The following TBC1D5 variants were observed in gnomAD, a reference collection of about 807,000 sequenced individuals.
TBC1D5 encodes TBC1 domain family member 5.
In TBC1D5, 75 loss-of-function variants were observed where a neutral mutation model predicts 100.3. That is an observed-to-expected ratio of 0.75 (90% CI 0.62 to 0.91). TBC1D5 has a LOEUF of 0.91. TBC1D5 is among the 40% of genes least tolerant of loss of function. The probability of loss-of-function intolerance (pLI) is 0.00; values close to 1 mark genes in which losing one functional copy is unlikely to be tolerated. For synonymous variants in TBC1D5, 323 were observed against 325.6 expected, an observed-to-expected ratio of 0.99 and a Z score of 0.09; for missense variants, 910 against 942.4, an observed-to-expected ratio of 0.97 and a Z score of 0.45.
chr3:17,320,502 A>C (rs1306013179), intron 13 of TBC1D5, among the ~76,000 whole-genome samples: 2 of 152,214 alleles, frequency 1.3e-5, no homozygotes, highest in Non-Finnish European at 2.9e-5. Context: ...AGGAAGTTTT[A>C]GTGATTCCTA....
chr3:17,690,465 C>G lies in TBC1D5; in HGVS notation c.-101+48878G>C, dbSNP rs1224125168. On this transcript the variant is annotated intron_variant, in intron 1 of 21. Transcript: ENST00000253692. The stretch of plus-strand genomic sequence containing the variant: ...TCTCCTGACCTCGTGATCCGCCCGC[C>G]TCGGCCTCCCAAAGTGCTGGGATTA... Among the ~76,000 whole-genome samples the G allele has an allele frequency of 6.6e-5, 2 of 30,148 alleles. 1 individual carries two copies. The highest frequency in any genetic ancestry group is 1.4e-4 in the Non-Finnish European group (2 of 14,182). The allele number at this position is 30,148 out of a possible 152,430, so 19.8% of individuals were successfully genotyped here. A position where few individuals can be genotyped will look rare whatever the true frequency, so the allele number is the denominator to read the frequency against.
At chr3:17,375,258 T>A (rs1381520902) in intron 10 of TBC1D5, among the ~76,000 whole-genome samples, 3 of 150,656 alleles carry the variant, frequency 2.0e-5, no homozygotes, top group Non-Finnish European at 4.4e-5. Flanking sequence ...GTCTGAAGAA[T>A]ACACTCACAT....
intron 1 of TBC1D5, among the ~76,000 whole-genome samples, chr3:17,733,096 G>A (rs932365852): frequency 6.6e-6 from 1 of 152,202 alleles, no homozygotes; most frequent in Admixed American, 6.5e-5. Context: ...CAGAAAATCA[G>A]TAAGAGGGCA....
chr3:17,396,481 C>T (rs1360086972), intron 8 of TBC1D5, among the ~76,000 whole-genome samples: 6 of 151,706 alleles, frequency 4.0e-5, no homozygotes, highest in South Asian at 2.1e-4. Flanking sequence ...TAGGAGATAC[C>T]GACATTTAGG....
chr3:17,208,661 G>C (rs914921955), intron 18 of TBC1D5, among the ~76,000 whole-genome samples: 1 of 152,234 alleles, frequency 6.6e-6, no homozygotes, highest in African/African-American at 2.4e-5. Context: ...GCAGGTCTAT[G>C]TAGAGAGTTA....
intron 2 of TBC1D5, among the ~76,000 whole-genome samples, chr3:17,605,324 A>C (rs1487381356): frequency 6.6e-6 from 1 of 152,220 alleles, no homozygotes. Flanking sequence ...GCAAATTTAT[A>C]ATACCCTAGA....
upstream of TBC1D5, among the ~76,000 whole-genome samples, chr3:17,741,580 C>T (rs2154009580): frequency 6.6e-6 from 1 of 152,264 alleles, no homozygotes; most frequent in South Asian, 2.1e-4. Flanking sequence ...AGGATTTTGT[C>T]CAATTCAGAG....
At chr3:17,711,228 G>A (rs913256740) in intron 1 of TBC1D5, among the ~76,000 whole-genome samples, 6 of 151,960 alleles carry the variant, frequency 3.9e-5, no homozygotes, top group African/African-American at 1.5e-4. Context: ...GTTTTTTCCT[G>A]TGAATTTCAT....
chr3:17,236,645 C>T (rs2075878336), intron 17 of TBC1D5, among the ~76,000 whole-genome samples: 1 of 151,930 alleles, frequency 6.6e-6, no homozygotes, highest in African/African-American at 2.4e-5. Context: ...ACCACCATGC[C>T]CAGCTAATTT....
At chr3:17,214,223 A>G (rs1172621686) in exon 18 of TBC1D5, 2 of 1,611,870 alleles carry the variant, frequency 1.2e-6, no homozygotes, top group Non-Finnish European at 1.7e-6. Context: ...TTTTCTGCCC[A>G]TAGTTTTGCT....
chr3:17,207,749 C>G (rs1337090271), intron 18 of TBC1D5, among the ~76,000 whole-genome samples: 1 of 152,154 alleles, frequency 6.6e-6, no homozygotes, highest in African/African-American at 2.4e-5. Context: ...ATATGTCATA[C>G]CTATATAGAT....
intron 14 of TBC1D5, among the ~76,000 whole-genome samples, chr3:17,298,574 T>C (rs2082497717): frequency 6.6e-6 from 1 of 152,046 alleles, no homozygotes; most frequent in African/African-American, 2.4e-5. Flanking sequence ...AAATGGGATG[T>C]ATGGAAGGAG....
At chr3:17,404,641 A>C in intron 7 of TBC1D5, 53 bp downstream of exon 7, 1 of 1,503,484 alleles carries the variant, frequency 6.7e-7, no homozygotes, top group Non-Finnish European at 9.0e-7. Flanking sequence ...CAGTCATATA[A>C]ACATATTCTT....
exon 14 of TBC1D5, chr3:17,308,076 A>T: frequency 6.2e-7 from 1 of 1,610,716 alleles, no homozygotes; most frequent in Non-Finnish European, 8.5e-7. Context: ...AAGGCATCCC[A>T]GACCACCAGA....
chr3:17,682,704 C>T (rs1306749353), intron 1 of TBC1D5, among the ~76,000 whole-genome samples: 1 of 151,518 alleles, frequency 6.6e-6, no homozygotes, highest in African/African-American at 2.4e-5. Context: ...ATTCTCAAAA[C>T]TCTCCTGGAT....
exon 5 of TBC1D5, chr3:17,406,485 G>T: frequency 6.2e-7 from 1 of 1,611,542 alleles, no homozygotes; most frequent in Non-Finnish European, 8.5e-7. Context: ...CCTTATTGTT[G>T]CCAAGTAATT....
At chr3:17,504,598 C>T (rs2095824898) in intron 3 of TBC1D5, among the ~76,000 whole-genome samples, 1 of 152,032 alleles carries the variant, frequency 6.6e-6, no homozygotes, top group African/African-American at 2.4e-5. Context: ...AAGAAGACAG[C>T]CATGCACATC....
chr3:17,608,249 T>A (rs945806810), intron 2 of TBC1D5, among the ~76,000 whole-genome samples: 8 of 152,152 alleles, frequency 5.3e-5, no homozygotes, highest in African/African-American at 1.9e-4. Flanking sequence ...AGAGCGAGAC[T>A]CTGTCTCAAA....
chr3:17,565,436 C>T (rs955411702), intron 2 of TBC1D5, among the ~76,000 whole-genome samples: 2 of 152,002 alleles, frequency 1.3e-5, no homozygotes, highest in Non-Finnish European at 2.9e-5. Context: ...GTAATCAGTA[C>T]TACAATTTTC....
Sources: allele counts gnomAD v4.1 joint callset (sites outside exome capture counted in the v4.1 genomes callset), GRCh38; gene constraint gnomAD v4.1.1; transcripts MANE v1.5; gene names NCBI Gene and HGNC (gene_info 2026-07-23, HGNC 2026-07-21).